The following GTF3A variants were observed in gnomAD, a reference collection of about 807,000 sequenced individuals.
The protein encoded by GTF3A is general transcription factor IIIA, also known as transcription factor IIIA.
In GTF3A, 40 loss-of-function variants were observed where a neutral mutation model predicts 37.6. The observed-to-expected ratio is 1.06, with a 90% confidence interval of 0.83 to 1.38. GTF3A has a LOEUF of 1.38. GTF3A is among the 40% of genes most tolerant of loss of function. The pLI is 0.00. For missense variants in GTF3A, 500 were observed against 462.6 expected (o/e 1.08, Z -0.74); for synonymous variants, 191 against 166.7 (o/e 1.15, Z -1.12).
chr13:27,432,153 A>G (rs1273165519), intron 4 of GTF3A, among the ~76,000 whole-genome samples: 1 of 152,222 alleles, frequency 6.6e-6, no homozygotes, highest in Non-Finnish European at 1.5e-5. Flanking sequence ...GGCTCTCTGC[A>G]TGGCTCTGGC....
chr13:27,426,854 T>C (rs1347953162), intron 1 of GTF3A, among the ~76,000 whole-genome samples: 1 of 152,216 alleles, frequency 6.6e-6, no homozygotes, highest in Non-Finnish European at 1.5e-5. Context: ...TGCCTGCTTA[T>C]TTTAAATGCT....
chr13:27,434,327 T>C (rs917612525), intron 6 of GTF3A, 108 bp downstream of exon 6: 9 of 720,574 alleles, frequency 1.2e-5, no homozygotes, highest in African/African-American at 3.5e-5. Flanking sequence ...AAAGGGTTTC[T>C]CTATGATATT....
Position 27,429,900 on chromosome 13 carries a change from C to G in GTF3A, c.333C>G (p.Phe111Leu), listed in dbSNP as rs182260653. ...CAGCCAATGGCTGTGATCAAAAATT[C>G]AACACAAAATCAAACTTGAAGAAAC... is the stretch of plus-strand genomic sequence containing the variant. The change falls in exon 3 of 9, where the codon TTC (phenylalanine) becomes TTG (leucine). Residue 111 changes from phenylalanine to leucine, a missense_variant. Transcript: ENST00000381140. 7.4e-5 allele frequency: 114 copies of G among 1,535,038 alleles called. No homozygotes were observed. The highest frequency in any genetic ancestry group is 8.7e-5 in the Non-Finnish European group (99 of 1,141,176).
intron 5 of GTF3A, among the ~76,000 whole-genome samples, chr13:27,433,209 CAAAA>C (rs35654423): frequency 7.6e-6 from 1 of 130,746 alleles, no homozygotes; most frequent in Non-Finnish European, 1.6e-5. Flanking sequence ...TTACGTTTCT[CAAAA>C]AAAAAAAAAA....
intron 4 of GTF3A, among the ~76,000 whole-genome samples, chr13:27,431,372 A>G (rs957492801): frequency 2.0e-5 from 3 of 152,260 alleles, no homozygotes; most frequent in Non-Finnish European, 4.4e-5. Flanking sequence ...AATTGCAAAT[A>G]CATGGAGCCA....
chr13:27,435,550 G>T lies in GTF3A; in HGVS notation c.1051G>T (p.Val351Leu). The T allele has an allele frequency of 6.2e-7, 1 of 1,613,466 alleles. No homozygotes were observed. The highest frequency in any genetic ancestry group is 8.5e-7 in the Non-Finnish European group (1 of 1,179,490). Reference sequence around the variant, plus strand: ...TCAAAACGGAGAGTCACCCAACTGTGTGGAAGACAAGATGCTCTCGACAGT... The same window carrying T: ...TCAAAACGGAGAGTCACCCAACTGTTTGGAAGACAAGATGCTCTCGACAGT... Residue 351 changes from valine (V) to leucine (L), a missense_variant, in exon 9 of 9, where the codon GTG becomes TTG. Coordinates refer to ENST00000381140, the MANE Select transcript of GTF3A (RefSeq NM_002097.3).
chr13:27,425,296 A>AAAGAT, intron 1 of GTF3A: 2 of 241,718 alleles, frequency 8.3e-6, no homozygotes, highest in Non-Finnish European at 8.0e-6. Flanking sequence ...TACATGTACC[A>AAAGAT]GGGGTCGTGA....
intron 3 of GTF3A, 115 bp from the exon 4 acceptor site, chr13:27,430,418 T>G: frequency 1.6e-6 from 1 of 628,710 alleles, no homozygotes. Context: ...ACAAAATGGG[T>G]GAAAGCAGAA....
chr13:27,425,477 C>A (rs1953597848), intron 1 of GTF3A: 1 of 152,772 alleles, frequency 6.5e-6, no homozygotes, highest in Non-Finnish European at 1.5e-5. Context: ...TCTGTGTGAG[C>A]CGTGTAAGAA....
rs1953695553 is a variant in GTF3A at position 27,434,912 on chromosome 13, G to T, written c.751G>T (p.Glu251Ter). 6.2e-7 allele frequency: 1 copy of T among 1,609,702 alleles called. No homozygotes were observed. The highest frequency in any genetic ancestry group is 2.2e-5 in the East Asian group (1 of 44,874). Residue 251 changes from glutamate (E) to a stop codon, truncating the protein, a stop_gained, in exon 7 of 9, where the codon GAA becomes TAA. Coordinates refer to ENST00000381140, the MANE Select transcript of GTF3A (RefSeq NM_002097.3). LOFTEE classifies it high-confidence loss of function. ...AAGGGATGTATGTCGCTGTCCAAGA[G>T]AAGGCTGTGGAAGAACCTATACAAC...
Position 27,435,161 on chromosome 13 carries a change from A to G in GTF3A, c.902A>G (p.His301Arg), listed in dbSNP as rs779068732. Residue 301 changes from histidine (H) to arginine (R), a missense_variant, in exon 8 of 9, where the codon CAT (histidine) becomes CGT (arginine). By Grantham distance (29) the His-to-Arg change is conservative (BLOSUM62 0). Transcript: ENST00000381140. ...AGTCTCACTAGGCATGCTGTTGTAC[A>G]TGATCCTGACAAGAAGAAAATGAAG... The G allele has an allele frequency of 8.1e-6, 13 of 1,606,176 alleles. No homozygotes were observed. Among genetic ancestry groups the G allele is most frequent in the South Asian group, 1.1e-5 (1 of 89,090 alleles).
At chr13:27,427,812 G>A (rs1002919382) in intron 2 of GTF3A, among the ~76,000 whole-genome samples, 1 of 151,570 alleles carries the variant, frequency 6.6e-6, no homozygotes, top group African/African-American at 2.4e-5. Flanking sequence ...GGGGATCCTG[G>A]CCAAGTAGGG....
intron 2 of GTF3A, chr13:27,429,299 G>GGAAAA (rs374040932): frequency 2.5e-4 from 29 of 117,046 alleles, no homozygotes; most frequent in Admixed American, 7.4e-4. Flanking sequence ...TTTCTTTTGG[G>GGAAAA]AAAAAAAAAA....
At chr13:27,434,274 A>G (rs1593180639) in intron 6 of GTF3A, 55 bp downstream of exon 6, 1 of 791,514 alleles carries the variant, frequency 1.3e-6, no homozygotes, top group Non-Finnish European at 2.3e-6. Context: ...CACAGAACTG[A>G]TTTAGTGCTT....
chr13:27,434,955 G>A lies in GTF3A; in HGVS notation c.794G>A (p.Ser265Asn), dbSNP rs1293016858. 3 of 1,611,928 alleles carry A rather than the reference G, an allele frequency of 1.9e-6. No homozygotes were observed. Among genetic ancestry groups the A allele is most frequent in the Non-Finnish European group, 2.5e-6 (3 of 1,178,058 alleles). ...TATACAACTGTGTTTAATCTCCAAA[G>A]CCATATCCTCTCCTTCCATGAGGAA... Residue 265 changes from serine to asparagine, a missense_variant, in exon 7 of 9, where the codon AGC becomes AAC. Ser to Asn is a conservative substitution (Grantham distance 46, BLOSUM62 1). Transcript: ENST00000381140.
chr13:27,432,797 C>A lies in GTF3A; in HGVS notation c.555C>A (p.Ala185=), dbSNP rs764010737. The change falls in exon 5 of 9, where the codon GCC becomes GCA. Residue 185 remains alanine, a synonymous_variant. Transcript: ENST00000381140. Reference sequence around the variant, plus strand: ...GCAAGCTGAAACGACATGCCAAGGCCCACGAGGGTGTGTACGGATAGCCTG... The same window carrying A: ...GCAAGCTGAAACGACATGCCAAGGCACACGAGGGTGTGTACGGATAGCCTG... 10 of 1,601,038 alleles carry A rather than the reference C, an allele frequency of 6.2e-6. No individual in the cohort carries two copies. The highest frequency in any genetic ancestry group is 8.5e-6 in the Non-Finnish European group (10 of 1,173,448).
chr13:27,435,362 T>C (rs1446371492), intron 8 of GTF3A, 71 bp from the exon 9 acceptor site: 8 of 1,466,992 alleles, frequency 5.5e-6, no homozygotes, highest in Non-Finnish European at 7.5e-6. Context: ...CTGGTACATA[T>C]GACTATCGTA....
intron 5 of GTF3A, among the ~76,000 whole-genome samples, chr13:27,433,462 G>A (rs1264935472): frequency 1.4e-5 from 2 of 143,726 alleles, no homozygotes; most frequent in Non-Finnish European, 3.0e-5. Context: ...TTGTTATTCA[G>A]TGTTTTTCTC....
At position 27,435,206 on chromosome 13, in the gene GTF3A, A is replaced by T. The variant is rs373882317; in HGVS notation, c.933+14A>T. On this transcript the variant is annotated intron_variant, in intron 8 of 8. Coordinates refer to ENST00000381140, the MANE Select transcript of GTF3A (RefSeq NM_002097.3). ...ATGAAGCTCAAAGTAAGTTGAAACT[A>T]CTTAGGCAAGCTTAGTTTTCAAGTG... The T allele has an allele frequency of 6.3e-6, 10 of 1,584,808 alleles. No individual in the cohort carries two copies. In the African/African-American group the frequency reaches 1.4e-4, roughly 22 times the overall value.
Sources: gnomAD v4.1 joint callset for allele counts (sites outside exome capture counted in the v4.1 genomes callset) on GRCh38, gnomAD v4.1.1 for gene constraint, MANE v1.5 for transcripts, NCBI Gene and HGNC (gene_info 2026-07-23, HGNC 2026-07-21) for gene names.